CXCL13: variants seen among roughly 807,000 people sequenced by gnomAD.
CXCL13 encodes the protein C-X-C motif chemokine ligand 13, also known as C-X-C motif chemokine 13.
In CXCL13, 7 loss-of-function variants were observed where a neutral mutation model predicts 12.2. That is an observed-to-expected ratio of 0.57 (90% CI 0.33 to 1.07). CXCL13 has a LOEUF of 1.07. Ranked by LOEUF, CXCL13 falls within the 50% of genes least tolerant of loss-of-function variation. The pLI is 0.04. For synonymous variants in CXCL13, 47 were observed against 42.4 expected (o/e 1.11, Z -0.42); for missense variants, 113 against 127.4 (o/e 0.89, Z 0.55).
chr4:77,540,615 G>A (rs543371630), intron 1 of CXCL13, among the ~76,000 whole-genome samples: 2 of 152,156 alleles, frequency 1.3e-5, no homozygotes, highest in Admixed American at 6.5e-5. Context: ...TCTTTTTATG[G>A]CTGTGTAGTA....
At chr4:77,547,325 T>G (rs1301832257) in intron 1 of CXCL13, among the ~76,000 whole-genome samples, 1 of 152,198 alleles carries the variant, frequency 6.6e-6, no homozygotes. Flanking sequence ...ATGTTGACAG[T>G]GGGGTGTTTA....
chr4:77,597,552 T>C (rs1311168927), intron 1 of CXCL13, among the ~76,000 whole-genome samples: 1 of 152,180 alleles, frequency 6.6e-6, no homozygotes, highest in Non-Finnish European at 1.5e-5. Context: ...CCTTTTACAT[T>C]ATCCCTGTTT....
At chr4:77,558,965 G>C (rs1725729421) in intron 1 of CXCL13, among the ~76,000 whole-genome samples, 1 of 152,130 alleles carries the variant, frequency 6.6e-6, no homozygotes, top group Admixed American at 6.5e-5. Flanking sequence ...ATTGAGCTTG[G>C]TGAAGCCACC....
chr4:77,534,248 G>T (rs956576876), intron 1 of CXCL13, among the ~76,000 whole-genome samples: 2 of 151,970 alleles, frequency 1.3e-5, no homozygotes, highest in Non-Finnish European at 2.9e-5. Context: ...GCACTCCTGG[G>T]CATTCATCCC....
chr4:77,542,209 T>C (rs1432056802), intron 1 of CXCL13, among the ~76,000 whole-genome samples: 1 of 152,148 alleles, frequency 6.6e-6, no homozygotes, highest in African/African-American at 2.4e-5. Context: ...ATTTTTTCTC[T>C]TGTCTGATTG....
In CXCL13 at chr4:77,610,630, A is replaced by C; in HGVS notation, c.214A>C (p.Lys72Gln). The C allele has an allele frequency of 6.2e-7, 1 of 1,612,566 alleles. No individual in the cohort carries two copies. The highest frequency in any genetic ancestry group is 8.5e-7 in the Non-Finnish European group (1 of 1,178,574). ...RKEIIVWKKNKSIVCVDPQAE... is the reference protein window; with the variant it reads ...RKEIIVWKKNQSIVCVDPQAE... Reference sequence around the variant, plus strand: ...TTCCCCCAGAGTCTGGAAGAAGAACAAGTCAATTGTGTGTGTGGACCCTCA... The same window carrying C: ...TTCCCCCAGAGTCTGGAAGAAGAACCAGTCAATTGTGTGTGTGGACCCTCA... Residue 72 changes from lysine (K) to glutamine (Q), a missense_variant, in exon 3 of 4, where the codon AAG (lysine) becomes CAG (glutamine). Physicochemically the swap from Lys to Gln is moderately conservative, Grantham distance 53. Coordinates refer to ENST00000682537, the MANE Select transcript of CXCL13 (RefSeq NM_001371558.1).
intron 1 of CXCL13, among the ~76,000 whole-genome samples, chr4:77,564,629 C>G (rs577877763): frequency 6.6e-6 from 1 of 152,286 alleles, no homozygotes; most frequent in South Asian, 2.1e-4. Flanking sequence ...CCTATACCAC[C>G]AGTGAAGAAA....
chr4:77,564,340 T>G (rs1344846042), intron 1 of CXCL13, among the ~76,000 whole-genome samples: 1 of 152,192 alleles, frequency 6.6e-6, no homozygotes, highest in Non-Finnish European at 1.5e-5. Flanking sequence ...AATGTACATA[T>G]GCAGAGGAGC....
chr4:77,513,886 T>C (rs1396006137), intron 1 of CXCL13, among the ~76,000 whole-genome samples: 1 of 151,700 alleles, frequency 6.6e-6, no homozygotes, highest in Non-Finnish European at 1.5e-5. Flanking sequence ...ACATGTGACA[T>C]ACTGGTGTGC....
At chr4:77,593,552 GA>G (rs1430596240) in intron 1 of CXCL13, among the ~76,000 whole-genome samples, 1 of 152,234 alleles carries the variant, frequency 6.6e-6, no homozygotes, top group Admixed American at 6.5e-5. Flanking sequence ...GAGCAATGAT[GA>G]GATAGAAAAC....
At chr4:77,592,359 T>A (rs866264371) in intron 1 of CXCL13, among the ~76,000 whole-genome samples, 1 of 152,104 alleles carries the variant, frequency 6.6e-6, no homozygotes, top group African/African-American at 2.4e-5. Flanking sequence ...CTCACTTACA[T>A]GTGGAATCTA....
chr4:77,547,467 G>T (rs1023584528), intron 1 of CXCL13, among the ~76,000 whole-genome samples: 1 of 152,008 alleles, frequency 6.6e-6, no homozygotes, highest in Non-Finnish European at 1.5e-5. Context: ...TGTTGAATTG[G>T]TCCCTTTACC....
chr4:77,543,434 T>C lies in CXCL13; in HGVS notation c.-43+31646T>C, dbSNP rs540182153. ...CTCATTCTTGTTTTTATTATTCTTATAGTGTGCTGTTAGATAGGTAATTTG... is the reference window on the plus strand; with the variant it reads ...CTCATTCTTGTTTTTATTATTCTTACAGTGTGCTGTTAGATAGGTAATTTG... On this transcript the variant is annotated intron_variant, in intron 1 of 4. Coordinates refer to the CXCL13 transcript ENST00000286758. 5.3e-5 allele frequency among the ~76,000 whole-genome samples: 8 copies of C among 152,226 alleles called. No homozygotes were observed. In the South Asian group the frequency reaches 1.2e-3, roughly 24 times the overall value.
intron 1 of CXCL13, among the ~76,000 whole-genome samples, chr4:77,545,225 T>C (rs971348037): frequency 6.6e-6 from 1 of 152,216 alleles, no homozygotes; most frequent in African/African-American, 2.4e-5. Flanking sequence ...GTCTTGGCAA[T>C]GCGGGCTCTT....
chr4:77,521,889 C>T (rs1456181908), intron 1 of CXCL13, among the ~76,000 whole-genome samples: 2 of 151,996 alleles, frequency 1.3e-5, no homozygotes, highest in Non-Finnish European at 2.9e-5. Context: ...TAAATGTGTC[C>T]CAGAGATTCT....
At chr4:77,580,354 G>T (rs1355782217) in intron 1 of CXCL13, among the ~76,000 whole-genome samples, 1 of 30,232 alleles carries the variant, frequency 3.3e-5, no homozygotes, top group Non-Finnish European at 6.2e-5. Flanking sequence ...TTGAGATGGA[G>T]TCTCTCTCTT....
intron 1 of CXCL13, among the ~76,000 whole-genome samples, chr4:77,541,971 T>C (rs1725215330): frequency 6.6e-6 from 1 of 152,122 alleles, no homozygotes; most frequent in Non-Finnish European, 1.5e-5. Context: ...TTTGTGGCTA[T>C]TGTGAATGGG....
chr4:77,606,503 G>A (rs1727006210), intron 1 of CXCL13, among the ~76,000 whole-genome samples: 1 of 152,220 alleles, frequency 6.6e-6, no homozygotes, highest in Non-Finnish European at 1.5e-5. Flanking sequence ...TGTGGCCGAA[G>A]AAATGGATAT....
intron 1 of CXCL13, among the ~76,000 whole-genome samples, chr4:77,536,910 G>C (rs966150037): frequency 2.0e-5 from 3 of 152,132 alleles, no homozygotes; most frequent in African/African-American, 7.2e-5. Context: ...GGTGTGATCT[G>C]TTGAGTTCTC....
Sources: gnomAD v4.1 joint callset for allele counts (sites outside exome capture counted in the v4.1 genomes callset) on GRCh38, gnomAD v4.1.1 for gene constraint, MANE v1.5 for transcripts, NCBI Gene and HGNC (gene_info 2026-07-23, HGNC 2026-07-21) for gene names.